Variants in LCOR observed in about 807,000 individuals in gnomAD.
The protein encoded by LCOR is ligand dependent nuclear receptor corepressor, also known as ligand-dependent corepressor.
A neutral mutation model predicts 64.4 loss-of-function variants in LCOR; 14 were observed. That is an observed-to-expected ratio of 0.22 (90% CI 0.14 to 0.34). The LOEUF is 0.34. Ranked by LOEUF, LCOR falls within the 10% of genes least tolerant of loss-of-function variation. The probability of loss-of-function intolerance (pLI) is 1.00; values close to 1 mark genes in which losing one functional copy is unlikely to be tolerated. For missense variants in LCOR, 1,686 were observed against 1,765.3 expected, an observed-to-expected ratio of 0.96 and a Z score of 0.80; for synonymous variants, 643 against 642.5, an observed-to-expected ratio of 1.00 and a Z score of -0.01.
In LCOR at chr10:96,987,554, A is replaced by G. The variant is rs1589352435; in HGVS notation, c.*2420A>G. 6.6e-6 allele frequency: 1 copy of G among 152,342 alleles called. No homozygotes were observed. Among genetic ancestry groups the G allele is most frequent in the African/African-American group, 2.4e-5 (1 of 41,576 alleles). 9.4% of individuals were successfully genotyped at this position (152,342 alleles called of 1,614,324 possible). The stretch of plus-strand genomic sequence containing the variant: ...TGAGAAAAGGTGTTAATGTGTATGT[A>G]TGTATTTTATATACCTAACAATGCA... On this transcript the variant is annotated 3_prime_UTR_variant, in exon 8 of 8. Transcript: ENST00000421806.
chr10:96,920,778 ACACACACACACACGCG>A (rs1322058498), intron 4 of LCOR, among the ~76,000 whole-genome samples: 3 of 125,432 alleles, frequency 2.4e-5, no homozygotes, highest in African/African-American at 1.2e-4. Flanking sequence ...ACACACACAC[ACACACACACACACGCG>A]CGGTGGGGGG....
At chr10:96,957,620 C>T in intron 7 of LCOR, 2 of 985,302 alleles carry the variant, frequency 2.0e-6, no homozygotes, top group South Asian at 9.4e-5. Context: ...AGATTGATTT[C>T]AGATGGATAC....
At chr10:96,889,755 C>T (rs1846407464) in intron 2 of LCOR, among the ~76,000 whole-genome samples, 1 of 152,142 alleles carries the variant, frequency 6.6e-6, no homozygotes. Context: ...GAATAATATT[C>T]CATTGGATGG....
chr10:96,880,219 C>T (rs1846239486), intron 2 of LCOR, among the ~76,000 whole-genome samples: 1 of 152,162 alleles, frequency 6.6e-6, no homozygotes, highest in Non-Finnish European at 1.5e-5. Flanking sequence ...TTAATAATGT[C>T]AGTGACCTTT....
intron 2 of LCOR, among the ~76,000 whole-genome samples, chr10:96,863,206 G>GTTTTT (rs869227042): frequency 4.8e-5 from 6 of 125,770 alleles, no homozygotes; most frequent in African/African-American, 1.8e-4. Context: ...TTCTTTTTCT[G>GTTTTT]TTTTTTTTTT....
intron 4 of LCOR, among the ~76,000 whole-genome samples, chr10:96,919,312 G>A (rs1295872412): frequency 6.6e-6 from 1 of 152,068 alleles, no homozygotes; most frequent in African/African-American, 2.4e-5. Flanking sequence ...GCCCATGAGT[G>A]TAGGTCTCAC....
chr10:96,946,404 C>T (rs887691348), intron 5 of LCOR, among the ~76,000 whole-genome samples: 1 of 151,940 alleles, frequency 6.6e-6, no homozygotes, highest in Non-Finnish European at 1.5e-5. Context: ...ATATGGAATC[C>T]ATAATTTCAC....
At chr10:96,897,682 C>T (rs990122101) in intron 2 of LCOR, among the ~76,000 whole-genome samples, 1 of 152,004 alleles carries the variant, frequency 6.6e-6, no homozygotes, top group Admixed American at 6.6e-5. Flanking sequence ...TATTGTTTTT[C>T]AGGACTTTAT....
At position 96,988,197 on chromosome 10, in the gene LCOR, G is replaced by C. The variant is rs1054594583; in HGVS notation, c.*3063G>C. On this transcript the variant is annotated 3_prime_UTR_variant, in exon 8 of 8. Transcript: ENST00000421806. Reference sequence around the variant, plus strand: ...TGCAGGAGACCACTCCCTCACTTGGGGTCCTGAGCCTCACCCCTAGCACTT... The same window carrying C: ...TGCAGGAGACCACTCCCTCACTTGGCGTCCTGAGCCTCACCCCTAGCACTT... 3.3e-5 allele frequency: 5 copies of C among 152,154 alleles called. No homozygotes were observed. Among genetic ancestry groups the C allele is most frequent in the African/African-American group, 1.2e-4 (5 of 41,410 alleles). 9.4% of individuals were successfully genotyped at this position (152,154 alleles called of 1,614,324 possible).
intron 4 of LCOR, chr10:96,915,924 A>G (rs1414529742): frequency 1.8e-5 from 7 of 393,078 alleles, no homozygotes; most frequent in Non-Finnish European, 2.4e-5. Flanking sequence ...CGGCGGCAGG[A>G]TGTAGGTGCT....
chr10:96,841,991 AT>A (rs1211397350), intron 2 of LCOR, among the ~76,000 whole-genome samples: 1 of 152,078 alleles, frequency 6.6e-6, no homozygotes, highest in African/African-American at 2.4e-5. Context: ...AATCTGAATC[AT>A]TTTATCATTA....
rs1848151934 is a variant in LCOR, at chr10:96,986,620, A to G, written c.*1486A>G. ...GCCTTTCCCAGGTGAAGCCTGAGAC[A>G]GGCGCATTGGCTTCAACCTAGTGCC... On this transcript the variant is annotated 3_prime_UTR_variant, in exon 8 of 8. Coordinates refer to ENST00000421806, the MANE Select transcript of LCOR (RefSeq NM_001346516.2). 1.3e-5 allele frequency: 2 copies of G among 152,372 alleles called. No homozygotes were observed. The highest frequency in any genetic ancestry group is 4.8e-5 in the African/African-American group (2 of 41,580). 9.4% of individuals were successfully genotyped at this position (152,372 alleles called of 1,614,324 possible). A position where few individuals can be genotyped will look rare whatever the true frequency, so the allele number is the denominator to read the frequency against.
intron 2 of LCOR, among the ~76,000 whole-genome samples, chr10:96,837,104 G>A (rs1436455182): frequency 6.6e-6 from 1 of 151,380 alleles, no homozygotes; most frequent in African/African-American, 2.4e-5. Context: ...CCATTCTCCT[G>A]CCTCAGCCTC....
At chr10:96,866,656 C>G (rs1163786310) in intron 2 of LCOR, among the ~76,000 whole-genome samples, 2 of 152,200 alleles carry the variant, frequency 1.3e-5, no homozygotes, top group Non-Finnish European at 2.9e-5. Context: ...TTTCGGCTCA[C>G]TGCAACCTCC....
intron 7 of LCOR, chr10:96,958,320 T>A: frequency 2.0e-6 from 3 of 1,525,488 alleles, no homozygotes; most frequent in Non-Finnish European, 2.6e-6. Flanking sequence ...TCTATATAAG[T>A]GATGTATGAG....
At chr10:96,980,539 G>T (rs899989509) in intron 7 of LCOR, among the ~76,000 whole-genome samples, 1 of 151,990 alleles carries the variant, frequency 6.6e-6, no homozygotes, top group African/African-American at 2.4e-5. Flanking sequence ...TTTCGCCAAA[G>T]TACCCACCCT....
At chr10:96,912,709 T>C (rs1488427187) in intron 4 of LCOR, among the ~76,000 whole-genome samples, 1 of 152,066 alleles carries the variant, frequency 6.6e-6, no homozygotes, top group Admixed American at 6.6e-5. Context: ...TGAGGTTTTG[T>C]AAATATCTTC....
intron 2 of LCOR, among the ~76,000 whole-genome samples, chr10:96,901,016 C>T (rs563786007): frequency 3.0e-4 from 45 of 151,916 alleles, no homozygotes; most frequent in Non-Finnish European, 5.2e-4. Flanking sequence ...AGTGAAACCC[C>T]GCCTCCACTA....
At chr10:96,844,494 A>C (rs968945819) in intron 2 of LCOR, among the ~76,000 whole-genome samples, 1 of 152,002 alleles carries the variant, frequency 6.6e-6, no homozygotes, top group African/African-American at 2.4e-5. Flanking sequence ...CTCTACCCAT[A>C]ATCTTACCAT....
Sources: allele counts gnomAD v4.1 joint callset (sites outside exome capture counted in the v4.1 genomes callset), GRCh38; gene constraint gnomAD v4.1.1; transcripts MANE v1.5; gene names NCBI Gene and HGNC (gene_info 2026-07-23, HGNC 2026-07-21).